Variants in TMEM244 observed in about 807,000 individuals in gnomAD.
TMEM244 encodes the protein putative transmembrane protein 244.
Under a neutral mutation model 15.8 loss-of-function variants are expected in TMEM244, and 13 were observed. That is an observed-to-expected ratio of 0.82 (90% CI 0.53 to 1.30). The LOEUF is 1.30. Among genes scored for constraint, TMEM244 ranks in the 50% most tolerant of loss-of-function variants. The probability of loss-of-function intolerance (pLI) is 0.00; values close to 1 mark genes in which losing one functional copy is unlikely to be tolerated. For synonymous variants in TMEM244, 45 were observed against 48.7 expected, an observed-to-expected ratio of 0.92 and a Z score of 0.32; for missense variants, 161 against 144.9, an observed-to-expected ratio of 1.11 and a Z score of -0.57.
chr6:129,844,310 T>C (rs1776533220), intron 2 of TMEM244, among the ~76,000 whole-genome samples: 1 of 152,188 alleles, frequency 6.6e-6, no homozygotes, highest in Non-Finnish European at 1.5e-5. Flanking sequence ...TCAGCTAGAA[T>C]CTTGATAGTT....
intron 2 of TMEM244, among the ~76,000 whole-genome samples, chr6:129,845,105 A>C (rs1776543700): frequency 6.6e-6 from 1 of 152,178 alleles, no homozygotes; most frequent in Non-Finnish European, 1.5e-5. Context: ...GTATTATCCC[A>C]TTTTGTCCTC....
intron 3 of TMEM244, 144 bp from the exon 4 acceptor site, chr6:129,833,729 C>A (rs1776363162): frequency 1.3e-6 from 1 of 784,378 alleles, no homozygotes. Flanking sequence ...TAACAATCCT[C>A]AAATTTGGAT....
At chr6:129,841,462 C>G (rs561839724) in intron 3 of TMEM244, among the ~76,000 whole-genome samples, 1 of 152,128 alleles carries the variant, frequency 6.6e-6, no homozygotes, top group East Asian at 1.9e-4. Flanking sequence ...GGAGAAATAT[C>G]TAATGTAAAT....
intron 3 of TMEM244, among the ~76,000 whole-genome samples, chr6:129,837,677 C>T (rs1044620711): frequency 6.6e-6 from 1 of 152,142 alleles, no homozygotes; most frequent in Non-Finnish European, 1.5e-5. Flanking sequence ...ATTCAAGAGA[C>T]CCATCTCATG....
In TMEM244 at chr6:129,831,307, G is replaced by A. The variant is rs9375666; in HGVS notation, c.*12C>T. On this transcript the variant is annotated 3_prime_UTR_variant, in exon 5 of 5. Transcript: ENST00000368143. ...TTATTCTATTTAACATTATTTCTGT[G>A]CATTAGAGAATCTAAACAAGCAATT... 232,731 of 1,424,054 alleles carry A rather than the reference G, an allele frequency of 0.16. 20,961 individuals carry two copies. The highest frequency in any genetic ancestry group is 0.24 in the South Asian group (20,108 of 84,912). The allele number at this position is 1,424,054 out of a possible 1,614,324, so 88.2% of individuals were successfully genotyped here. A position where few individuals can be genotyped will look rare whatever the true frequency, so the allele number is the denominator to read the frequency against.
intron 1 of TMEM244, among the ~76,000 whole-genome samples, chr6:129,860,300 GA>G (rs1379398182): frequency 6.6e-6 from 1 of 151,956 alleles, no homozygotes; most frequent in Non-Finnish European, 1.5e-5. Flanking sequence ...CATAAATTAC[GA>G]AGTTTAATAA....
chr6:129,832,764 G>T (rs1176487760), intron 4 of TMEM244, among the ~76,000 whole-genome samples: 1 of 152,116 alleles, frequency 6.6e-6, no homozygotes, highest in African/African-American at 2.4e-5. Flanking sequence ...CCTAGTAAAA[G>T]GTAGGACTGG....
chr6:129,844,614 C>T (rs1380622237), intron 2 of TMEM244, among the ~76,000 whole-genome samples: 4 of 152,196 alleles, frequency 2.6e-5, no homozygotes, highest in Non-Finnish European at 5.9e-5. Context: ...GCTTTAAGGT[C>T]TAATTACTTC....
chr6:129,842,966 T>C (rs867108527), intron 3 of TMEM244, among the ~76,000 whole-genome samples: 1 of 151,662 alleles, frequency 6.6e-6, no homozygotes, highest in East Asian at 1.9e-4. Flanking sequence ...TTCTTTCTTA[T>C]TGTTTTTCTT....
intron 2 of TMEM244, among the ~76,000 whole-genome samples, chr6:129,844,485 A>G (rs1776536170): frequency 6.6e-6 from 1 of 152,210 alleles, no homozygotes; most frequent in South Asian, 2.1e-4. Flanking sequence ...GAAGAGATTA[A>G]TCTCTGAGTT....
chr6:129,833,133 T>C (rs1431824403), intron 4 of TMEM244, among the ~76,000 whole-genome samples: 1 of 152,100 alleles, frequency 6.6e-6, no homozygotes, highest in Non-Finnish European at 1.5e-5. Flanking sequence ...GTTTTGAAAA[T>C]TGTGCTATGG....
At chr6:129,837,740 C>A (rs1776429078) in intron 3 of TMEM244, among the ~76,000 whole-genome samples, 1 of 151,990 alleles carries the variant, frequency 6.6e-6, no homozygotes, top group African/African-American at 2.4e-5. Flanking sequence ...ATCTACCAAG[C>A]AAATGGAAAG....
intron 3 of TMEM244, among the ~76,000 whole-genome samples, chr6:129,835,692 C>T (rs1375116339): frequency 6.6e-6 from 1 of 152,178 alleles, no homozygotes; most frequent in African/African-American, 2.4e-5. Context: ...AAACAGTGCA[C>T]TCCTGACAAA....
At chr6:129,836,576 G>A (rs749459358) in intron 3 of TMEM244, among the ~76,000 whole-genome samples, 12 of 152,164 alleles carry the variant, frequency 7.9e-5, no homozygotes, top group African/African-American at 1.2e-4. Context: ...TGAGTTTGAC[G>A]AGTTGACAGA....
Position 129,861,096 on chromosome 6 carries a change from C to T in TMEM244, c.33+60G>A, listed in dbSNP as rs977681081. The T allele has an allele frequency of 1.0e-5, 16 of 1,586,428 alleles. No homozygotes were observed. In the African/African-American group the frequency reaches 1.5e-4, roughly 15 times the overall value. Reference sequence around the variant, plus strand: ...AGAGAGGCCATTTATAGAACATATTCATTTACACCAGTGCTAGGCAGCAAC... The same window carrying T: ...AGAGAGGCCATTTATAGAACATATTTATTTACACCAGTGCTAGGCAGCAAC... On this transcript the variant is annotated intron_variant, in intron 1 of 4. Transcript: ENST00000368143.
At chr6:129,836,454 A>G (rs186514877) in intron 3 of TMEM244, among the ~76,000 whole-genome samples, 90 of 152,350 alleles carry the variant, frequency 5.9e-4, no homozygotes, top group African/African-American at 1.9e-3. Flanking sequence ...AAAACCACAA[A>G]GATGGGGAGA....
chr6:129,843,934 C>T (rs1363128413), intron 2 of TMEM244, among the ~76,000 whole-genome samples: 6 of 152,158 alleles, frequency 3.9e-5, no homozygotes, highest in African/African-American at 1.2e-4. Context: ...TGTAAACTCA[C>T]TTCATGACCA....
chr6:129,855,576 T>C (rs1029200901), intron 1 of TMEM244, among the ~76,000 whole-genome samples: 1 of 152,202 alleles, frequency 6.6e-6, no homozygotes, highest in African/African-American at 2.4e-5. Flanking sequence ...CCTCTATTGT[T>C]CTCAAAATCT....
At chr6:129,832,843 T>C (rs1776349426) in intron 4 of TMEM244, among the ~76,000 whole-genome samples, 1 of 152,172 alleles carries the variant, frequency 6.6e-6, no homozygotes. Context: ...ATCTAAGAAC[T>C]GGTATTTATT....
Sources: gnomAD v4.1 joint callset for allele counts (sites outside exome capture counted in the v4.1 genomes callset) on GRCh38, gnomAD v4.1.1 for gene constraint, MANE v1.5 for transcripts, NCBI Gene and HGNC (gene_info 2026-07-23, HGNC 2026-07-21) for gene names.